The following WDR37 variants were observed in gnomAD, a reference collection of about 807,000 sequenced individuals.
WDR37 encodes WD repeat-containing protein 37.
WDR37 carries 19 observed loss-of-function variants against 62.9 expected under a neutral mutation model. The observed-to-expected ratio is 0.30, with a 90% CI of 0.21 to 0.44. The LOEUF (loss-of-function observed/expected upper bound fraction) is 0.44, where lower values mean the gene tolerates loss of function less well. Among genes scored for constraint, WDR37 ranks in the 20% least tolerant of loss-of-function variants. WDR37 has a pLI of 1.00. For synonymous variants in WDR37, 250 were observed against 260.9 expected (o/e 0.96, Z 0.40); for missense variants, 474 against 657.6 (o/e 0.72, Z 3.05).
At chr10:1,104,788 A>G (rs936771951) in intron 10 of WDR37, among the ~76,000 whole-genome samples, 1 of 152,220 alleles carries the variant, frequency 6.6e-6, no homozygotes, top group Non-Finnish European at 1.5e-5. Flanking sequence ...CTGAGGACCC[A>G]TAGCGTTGTA....
At chr10:1,076,396 T>G (rs1833878455) in intron 2 of WDR37, among the ~76,000 whole-genome samples, 1 of 152,106 alleles carries the variant, frequency 6.6e-6, no homozygotes, top group African/African-American at 2.4e-5. Context: ...AGTTTACAAC[T>G]CGGCCACGCG....
chr10:1,074,340 C>T (rs941750762), intron 2 of WDR37: 11 of 1,241,560 alleles, frequency 8.9e-6, no homozygotes, highest in East Asian at 5.7e-5. Context: ...ACAGCAGAGG[C>T]GGTGACTGCA....
intron 2 of WDR37, among the ~76,000 whole-genome samples, chr10:1,073,988 G>A (rs1318344525): frequency 6.6e-6 from 1 of 152,234 alleles, no homozygotes; most frequent in African/African-American, 2.4e-5. Flanking sequence ...GGACTCCTGT[G>A]GTGGGGGCAG....
At chr10:1,070,035 G>C (rs1299606190) in intron 1 of WDR37, among the ~76,000 whole-genome samples, 2 of 151,908 alleles carry the variant, frequency 1.3e-5, no homozygotes, top group Non-Finnish European at 2.9e-5. Context: ...GCGAAACCCT[G>C]TCTCTAATAA....
In WDR37 at chr10:1,082,533, G is replaced by T. The variant is rs941995162; in HGVS notation, c.397-1870G>T. On this transcript the variant is annotated intron_variant, in intron 5 of 13. Transcript: ENST00000263150. ...CTTTAGATTGCGCCGCAGTTCAAAC[G>T]ATCTGGGATGATGGGCGTGAGCGTC... 2.6e-5 allele frequency among the ~76,000 whole-genome samples: 4 copies of T among 152,198 alleles called. No homozygotes were observed. The East Asian group carries it at 7.7e-4, about 29-fold the overall frequency.
Position 1,080,026 on chromosome 10 carries a change from A to G in WDR37, c.251A>G (p.Asp84Gly). The G allele has an allele frequency of 6.2e-7, 1 of 1,614,134 alleles. No homozygotes were observed. Among genetic ancestry groups the G allele is most frequent in the Non-Finnish European group, 8.5e-7 (1 of 1,179,990 alleles). ...TTCTTCCCAGTACGTAGAGAAATCG[A>G]CACTCTTAATGAACGTTTAGCTGCT... ...IENLELRREIDTLNERLAAEG... is the reference protein window; with the variant it reads ...IENLELRREIGTLNERLAAEG... Residue 84 changes from aspartate (D) to glycine (G), a missense_variant, in exon 4 of 14, where the codon GAC becomes GGC. Coordinates refer to ENST00000263150, the MANE Select transcript of WDR37 (RefSeq NM_014023.4).
intron 7 of WDR37, among the ~76,000 whole-genome samples, chr10:1,088,810 G>A (rs574623214): frequency 6.6e-6 from 1 of 152,116 alleles, no homozygotes; most frequent in Non-Finnish European, 1.5e-5. Flanking sequence ...TTCAACGCAG[G>A]GTTGCCACAA....
At chr10:1,081,612 C>T (rs543285898) in intron 5 of WDR37, among the ~76,000 whole-genome samples, 4 of 151,960 alleles carry the variant, frequency 2.6e-5, no homozygotes, top group East Asian at 1.9e-4. Flanking sequence ...TACTTTCCTT[C>T]GATAACATCT....
intron 11 of WDR37, 115 bp from the exon 12 acceptor site, chr10:1,124,103 G>T: frequency 7.0e-7 from 1 of 1,424,432 alleles, no homozygotes; most frequent in Non-Finnish European, 9.6e-7. Flanking sequence ...GGAGAGAGCT[G>T]TGAGTTTGCG....
chr10:1,103,112 G>A lies in WDR37; in HGVS notation c.727-490G>A, dbSNP rs1834881551. 6.6e-6 allele frequency among the ~76,000 whole-genome samples: 1 copy of A among 152,090 alleles called. No homozygotes were observed. The highest frequency in any genetic ancestry group is 2.4e-5 in the African/African-American group (1 of 41,400). The stretch of plus-strand genomic sequence containing the variant: ...GTTTTAGCCTTGGCCTTTGACAGGG[G>A]GCTTGATGTTACAAAGGAAAATAGA... On this transcript the variant is annotated intron_variant, in intron 9 of 13. Coordinates refer to ENST00000263150, the MANE Select transcript of WDR37 (RefSeq NM_014023.4). The surrounding 1 kb of genome is among the most constrained non-coding windows in gnomAD (Gnocchi z 6.3).
Position 1,094,079 on chromosome 10 carries a change from G to A in WDR37, c.649+583G>A, listed in dbSNP as rs1473669561. On this transcript the variant is annotated intron_variant, in intron 8 of 13. Coordinates refer to ENST00000263150, the MANE Select transcript of WDR37 (RefSeq NM_014023.4). ...CCCCACAGATCCCCATGATAGCCCA[G>A]GGACATTGGTGATGATCTCGAAGGA... Among the ~76,000 whole-genome samples, 4 of 152,280 alleles carry A rather than the reference G, an allele frequency of 2.6e-5. No individual in the cohort carries two copies. The Middle Eastern group carries it at 0.01, about 388-fold the overall frequency.
rs368834465 is a variant in WDR37 at position 1,086,317 on chromosome 10, A to C, written c.564A>C (p.Thr188=). The C allele has an allele frequency of 2.7e-5, 43 of 1,614,074 alleles. No individual in the cohort carries two copies. The highest frequency in any genetic ancestry group is 3.4e-5 in the Non-Finnish European group (40 of 1,180,024). Residue 188 remains threonine (T), a synonymous_variant, in exon 7 of 14, where the codon ACA becomes ACC. Transcript: ENST00000263150. ...DHTALLWSIE[T]GKCLVKYAGH... Reference sequence around the variant, plus strand: ...CGGCTTTGCTGTGGAGCATAGAGACAGGGAAGTGCCTAGTCAAGTACGCAG... The same window carrying C: ...CGGCTTTGCTGTGGAGCATAGAGACCGGGAAGTGCCTAGTCAAGTACGCAG...
chr10:1,100,045 A>G (rs1834740562), intron 9 of WDR37, among the ~76,000 whole-genome samples: 1 of 152,242 alleles, frequency 6.6e-6, no homozygotes, highest in Non-Finnish European at 1.5e-5. Flanking sequence ...TTTCCAAATA[A>G]AATAAGAAAA....
At chr10:1,122,011 A>G (rs1835596272) in intron 11 of WDR37, among the ~76,000 whole-genome samples, 1 of 152,114 alleles carries the variant, frequency 6.6e-6, no homozygotes, top group African/African-American at 2.4e-5. Context: ...ATTAGGACTC[A>G]GCTGGTGTCC....
chr10:1,080,558 TAGAA>T (rs1288264236), intron 5 of WDR37, 82 bp downstream of exon 5: 35 of 1,439,896 alleles, frequency 2.4e-5, no homozygotes, highest in Non-Finnish European at 3.2e-5. Context: ...ATTTTCCAAT[TAGAA>T]AGGCATAGCA....
At chr10:1,071,217 T>C (rs1833718392) in intron 1 of WDR37, among the ~76,000 whole-genome samples, 1 of 152,086 alleles carries the variant, frequency 6.6e-6, no homozygotes, top group African/African-American at 2.4e-5. Context: ...GTCTGGGAGG[T>C]CGTGGGCGTG....
chr10:1,112,853 T>C (rs1835258483), intron 11 of WDR37, among the ~76,000 whole-genome samples: 1 of 152,098 alleles, frequency 6.6e-6, no homozygotes, highest in South Asian at 2.1e-4. Flanking sequence ...GTTTATGAGG[T>C]TTAAGGAAGG....
At chr10:1,063,954 C>G (rs2131604568) in intron 1 of WDR37, among the ~76,000 whole-genome samples, 1 of 152,300 alleles carries the variant, frequency 6.6e-6, no homozygotes, top group South Asian at 2.1e-4. Context: ...AGGAAAATCT[C>G]AACCTCAGTA....
intron 5 of WDR37, among the ~76,000 whole-genome samples, chr10:1,081,839 T>C (rs947139333): frequency 6.6e-6 from 1 of 152,224 alleles, no homozygotes; most frequent in African/African-American, 2.4e-5. Flanking sequence ...TGTATGGTCT[T>C]GGAATTCCAA....
Sources: gnomAD v4.1 joint callset for allele counts (sites outside exome capture counted in the v4.1 genomes callset) on GRCh38, gnomAD v4.1.1 for gene constraint, Gnocchi (gnomAD v3.1) non-coding constraint, MANE v1.5 for transcripts, NCBI Gene and HGNC (gene_info 2026-07-23, HGNC 2026-07-21) for gene names.